SH3RF2: variants seen among roughly 807,000 people sequenced by gnomAD.
The protein encoded by SH3RF2 is SH3 domain containing ring finger 2, also known as E3 ubiquitin-protein ligase SH3RF2.
Under a neutral mutation model 59.0 loss-of-function variants are expected in SH3RF2, and 43 were observed. The ratio of observed to expected loss-of-function variants is 0.73; its 90% CI spans 0.57 to 0.94. SH3RF2 has a LOEUF of 0.94. Among genes scored for constraint, SH3RF2 ranks in the 40% least tolerant of loss-of-function variants. The pLI is 0.00. For missense variants in SH3RF2, 930 were observed against 940.1 expected, an observed-to-expected ratio of 0.99 and a Z score of 0.14; for synonymous variants, 391 against 391.5, an observed-to-expected ratio of 1.00 and a Z score of 0.01.
downstream of SH3RF2, among the ~76,000 whole-genome samples, chr5:146,067,942 G>A (rs1486362269): frequency 2.6e-5 from 4 of 152,154 alleles, no homozygotes; most frequent in African/African-American, 4.8e-5. Flanking sequence ...TATCTTAACT[G>A]TGACCCTGGA....
chr5:146,055,813 TTTAG>T lies in SH3RF2; in HGVS notation c.1323-164_1323-161del, dbSNP rs938995561. 4.0e-6 allele frequency: 3 copies of T among 743,002 alleles called. No individual in the cohort carries two copies. The Admixed American group carries it at 8.1e-5, about 20-fold the overall frequency. The allele number at this position is 743,002 out of a possible 1,614,324, so 46.0% of individuals were successfully genotyped here. ...CCGGGTGTAGGGAGGTGGGGCCAAC[TTTAG>T]TTAAGCCTGTAGTTCACAAAATGGG... is the stretch of plus-strand genomic sequence containing the variant. On this transcript the variant is annotated intron_variant, in intron 7 of 9. Coordinates refer to ENST00000359120, the MANE Select transcript of SH3RF2 (RefSeq NM_152550.4).
chr5:146,065,357 C>T (rs911513262), downstream of SH3RF2, among the ~76,000 whole-genome samples: 4 of 152,228 alleles, frequency 2.6e-5, no homozygotes, highest in Non-Finnish European at 4.4e-5. Context: ...TATACCTCAT[C>T]TTTACCCAAA....
intron 2 of SH3RF2, among the ~76,000 whole-genome samples, chr5:145,991,321 A>G (rs1162211470): frequency 1.3e-5 from 2 of 152,154 alleles, no homozygotes; most frequent in Non-Finnish European, 2.9e-5. Flanking sequence ...GGGTTTTGAG[A>G]GCATATGAAT....
At chr5:146,078,267 C>G (rs1001864420) in intron 9 of SH3RF2, among the ~76,000 whole-genome samples, 6 of 152,132 alleles carry the variant, frequency 3.9e-5, no homozygotes, top group African/African-American at 1.4e-4. Context: ...AACCAAAACA[C>G]CAAAGTTAGC....
intron 2 of SH3RF2, among the ~76,000 whole-genome samples, chr5:145,984,971 C>T (rs1367670078): frequency 6.6e-6 from 1 of 152,052 alleles, no homozygotes; most frequent in Non-Finnish European, 1.5e-5. Flanking sequence ...GCCTGGGCAA[C>T]ATAGCAAGAC....
At chr5:145,993,209 G>T (rs6894868) in intron 2 of SH3RF2, among the ~76,000 whole-genome samples, 1,766 of 152,284 alleles carry the variant, frequency 0.012, 38 homozygotes, top group African/African-American at 0.04. Context: ...GCAAGAGGTA[G>T]GTTCCCATGG....
chr5:145,965,551 C>T (rs1758825928), intron 2 of SH3RF2, among the ~76,000 whole-genome samples: 1 of 152,156 alleles, frequency 6.6e-6, no homozygotes, highest in Non-Finnish European at 1.5e-5. Context: ...ATATTCATTT[C>T]AACGAACACT....
At chr5:146,057,970 ATCTATCTATC>A (rs1345750981) in intron 8 of SH3RF2, among the ~76,000 whole-genome samples, 1 of 51,858 alleles carries the variant, frequency 1.9e-5, no homozygotes. Context: ...CTCTCTCTCT[ATCTATCTATC>A]TATCTATATA....
intron 2 of SH3RF2, among the ~76,000 whole-genome samples, chr5:145,991,785 G>A (rs1759942606): frequency 6.6e-6 from 1 of 152,116 alleles, no homozygotes; most frequent in South Asian, 2.1e-4. Context: ...ATTAAAATAT[G>A]TAAGCTACTT....
chr5:146,068,759 T>C (rs1218723122), intron 9 of SH3RF2, among the ~76,000 whole-genome samples: 1 of 152,178 alleles, frequency 6.6e-6, no homozygotes, highest in African/African-American at 2.4e-5. Context: ...CTTTGACAAA[T>C]AGAAGGCAGC....
chr5:146,010,076 T>A (rs893515321), intron 4 of SH3RF2, among the ~76,000 whole-genome samples: 1 of 151,714 alleles, frequency 6.6e-6, no homozygotes, highest in Non-Finnish European at 1.5e-5. Flanking sequence ...CCCCTTCCTG[T>A]GTCCAAGTGT....
intron 5 of SH3RF2, among the ~76,000 whole-genome samples, chr5:146,028,115 G>A (rs1197859696): frequency 6.7e-6 from 1 of 148,616 alleles, no homozygotes; most frequent in African/African-American, 2.4e-5. Context: ...CTATAGCTCT[G>A]GGAGCTGGGA....
chr5:146,013,112 C>T (rs964175405), intron 4 of SH3RF2, among the ~76,000 whole-genome samples: 5 of 152,126 alleles, frequency 3.3e-5, no homozygotes, highest in African/African-American at 9.7e-5. Context: ...GTCCTGAATG[C>T]ACTACATTCT....
chr5:145,987,979 C>T (rs141506173), intron 2 of SH3RF2, among the ~76,000 whole-genome samples: 211 of 152,308 alleles, frequency 1.4e-3, no homozygotes, highest in Non-Finnish European at 2.2e-3. Context: ...ACTAGAAGGA[C>T]TCACACAACT....
At chr5:146,063,803 T>A (rs888705783), downstream of SH3RF2, among the ~76,000 whole-genome samples, 3 of 152,020 alleles carry the variant, frequency 2.0e-5, no homozygotes, top group Non-Finnish European at 4.4e-5. Flanking sequence ...GAGATTACAG[T>A]GAACCAAGAT....
At chr5:146,060,383 C>G (rs1179089668) in intron 9 of SH3RF2, among the ~76,000 whole-genome samples, 159 bp downstream of exon 9, 1 of 152,164 alleles carries the variant, frequency 6.6e-6, no homozygotes, top group Non-Finnish European at 1.5e-5. Flanking sequence ...CCCCACTGAG[C>G]CATGGCCAAC....
At chr5:145,960,891 C>T (rs937589460) in intron 2 of SH3RF2, among the ~76,000 whole-genome samples, 3 of 152,174 alleles carry the variant, frequency 2.0e-5, no homozygotes, top group African/African-American at 7.2e-5. Context: ...AGACAGCTAG[C>T]AAACAGAAAT....
chr5:145,939,534 G>A (rs1040059275), intron 2 of SH3RF2, among the ~76,000 whole-genome samples: 2 of 152,180 alleles, frequency 1.3e-5, no homozygotes, highest in African/African-American at 4.8e-5. Flanking sequence ...ATGAGGGTGG[G>A]AAGAAGCAGG....
intron 2 of SH3RF2, among the ~76,000 whole-genome samples, chr5:145,977,624 G>T (rs750242114): frequency 6.6e-6 from 1 of 152,162 alleles, no homozygotes; most frequent in African/African-American, 2.4e-5. Context: ...TGTGGTGGGG[G>T]TCTTACAGTA....
Sources: allele counts gnomAD v4.1 joint callset (sites outside exome capture counted in the v4.1 genomes callset), GRCh38; gene constraint gnomAD v4.1.1; transcripts MANE v1.5; gene names NCBI Gene and HGNC (gene_info 2026-07-23, HGNC 2026-07-21).